ANKFN1: variants seen among roughly 807,000 people sequenced by gnomAD.
ANKFN1 encodes ankyrin repeat and fibronectin type III domain containing 1.
ANKFN1 carries 74 observed loss-of-function variants against 108.7 expected under a neutral mutation model. The observed-to-expected ratio is 0.68, with a 90% confidence interval of 0.56 to 0.83. The LOEUF is 0.83. Among genes scored for constraint, ANKFN1 ranks in the 40% least tolerant of loss-of-function variants. The probability of loss-of-function intolerance (pLI) is 0.00; values close to 1 mark genes in which losing one functional copy is unlikely to be tolerated. For synonymous variants in ANKFN1, 547 were observed against 516.2 expected (o/e 1.06, Z -0.81); for missense variants, 1,505 against 1,382.3 (o/e 1.09, Z -1.41).
At chr17:56,106,833 T>C (rs1304917059) in intron 4 of ANKFN1, among the ~76,000 whole-genome samples, 4 of 152,192 alleles carry the variant, frequency 2.6e-5, no homozygotes, top group Admixed American at 2.6e-4. Flanking sequence ...GTGAAATGGT[T>C]ATGTTTCTGT....
intron 4 of ANKFN1, among the ~76,000 whole-genome samples, chr17:56,050,684 T>C (rs1904759508): frequency 6.6e-6 from 1 of 151,770 alleles, no homozygotes; most frequent in Non-Finnish European, 1.5e-5. Flanking sequence ...CTCAGGTTTG[T>C]CAAAGATCAG....
At chr17:56,270,037 C>T (rs1310295114) in intron 3 of ANKFN1, among the ~76,000 whole-genome samples, 1 of 152,172 alleles carries the variant, frequency 6.6e-6, no homozygotes, top group Non-Finnish European at 1.5e-5. Flanking sequence ...TTTTCCTTTC[C>T]TTTTAATAAG....
At chr17:56,328,021 A>G (rs1003778952) in intron 4 of ANKFN1, among the ~76,000 whole-genome samples, 2 of 152,190 alleles carry the variant, frequency 1.3e-5, no homozygotes, top group Admixed American at 6.5e-5. Flanking sequence ...GAAGAGGAGA[A>G]TGGAGCTGAG....
chr17:56,163,220 C>G (rs888694993), intron 1 of ANKFN1, among the ~76,000 whole-genome samples: 1 of 151,958 alleles, frequency 6.6e-6, no homozygotes, highest in Non-Finnish European at 1.5e-5. Context: ...TTGGTAAAAC[C>G]CTTTCTAACC....
chr17:56,138,092 T>C (rs1186797940), intron 4 of ANKFN1, among the ~76,000 whole-genome samples: 2 of 152,154 alleles, frequency 1.3e-5, no homozygotes, highest in Admixed American at 1.3e-4. Context: ...ATTCAGAGAA[T>C]AGCTAGAAGC....
At chr17:56,178,844 T>C (rs1911415080) in intron 1 of ANKFN1, among the ~76,000 whole-genome samples, 1 of 152,198 alleles carries the variant, frequency 6.6e-6, no homozygotes, top group South Asian at 2.1e-4. Context: ...GCCAAACCTA[T>C]TTGAACATGT....
At chr17:56,255,614 G>C (rs1307360709) in intron 3 of ANKFN1, among the ~76,000 whole-genome samples, 1 of 152,122 alleles carries the variant, frequency 6.6e-6, no homozygotes. Flanking sequence ...GTTACCCTAT[G>C]AAAATGTGGC....
chr17:56,130,922 C>T (rs754155644), intron 4 of ANKFN1, among the ~76,000 whole-genome samples: 1 of 147,348 alleles, frequency 6.8e-6, no homozygotes, highest in Non-Finnish European at 1.5e-5. Context: ...GTTTGTCAGG[C>T]TTCTAACTTG....
At chr17:56,186,767 T>A (rs1230634421) in intron 1 of ANKFN1, among the ~76,000 whole-genome samples, 2 of 152,178 alleles carry the variant, frequency 1.3e-5, no homozygotes, top group Admixed American at 1.3e-4. Context: ...GTGTATGGCA[T>A]CCTGTTACCT....
intron 8 of ANKFN1, among the ~76,000 whole-genome samples, chr17:56,403,241 T>A (rs1162147628): frequency 6.6e-6 from 1 of 152,160 alleles, no homozygotes; most frequent in Non-Finnish European, 1.5e-5. Flanking sequence ...TTTAAATTCA[T>A]TGTTTCTTTA....
intron 4 of ANKFN1, among the ~76,000 whole-genome samples, chr17:56,069,797 G>T (rs563176825): frequency 6.6e-6 from 1 of 152,280 alleles, no homozygotes; most frequent in East Asian, 1.9e-4. Context: ...TATTAGGAAA[G>T]TAAAGGAACA....
At chr17:56,238,089 A>G (rs1917290253) in intron 3 of ANKFN1, among the ~76,000 whole-genome samples, 1 of 152,086 alleles carries the variant, frequency 6.6e-6, no homozygotes. Context: ...CATGACTTTG[A>G]GCAATTTTTG....
Position 56,368,276 on chromosome 17 carries a change from C to CTTT in ANKFN1, c.602-4351_602-4349dup, listed in dbSNP as rs71137202. The CTTT allele has an allele frequency of 2.0e-3, 131 of 65,964 alleles. 22 individuals are homozygous for CTTT. The highest frequency in any genetic ancestry group is 2.5e-3 in the African/African-American group (56 of 22,506). The allele number at this position is 65,964 out of a possible 1,614,324, so 4.1% of individuals were successfully genotyped here. ...CAAACTTGAATAAACTGAAAATGAA[C>CTTT]TTTTTTTTTTTTTTTTTTTTTGAGA... is the stretch of plus-strand genomic sequence containing the variant. On this transcript the variant is annotated intron_variant, in intron 6 of 20. Transcript: ENST00000682825.
intron 3 of ANKFN1, among the ~76,000 whole-genome samples, chr17:56,275,572 A>T (rs1358172225): frequency 6.6e-6 from 1 of 152,042 alleles, no homozygotes. Flanking sequence ...GAAGAAAAAG[A>T]TTAAGGAGGT....
At chr17:56,417,564 G>A (rs777116970) in intron 8 of ANKFN1, among the ~76,000 whole-genome samples, 6 of 152,154 alleles carry the variant, frequency 3.9e-5, no homozygotes, top group African/African-American at 9.7e-5. Flanking sequence ...ATTTTCTCCC[G>A]AGTTTAAGGC....
intron 3 of ANKFN1, among the ~76,000 whole-genome samples, chr17:56,290,873 C>T (rs1380661705): frequency 2.0e-5 from 3 of 152,060 alleles, no homozygotes; most frequent in Admixed American, 2.0e-4. Flanking sequence ...TCCTCCCCTC[C>T]TCTGAAAATT....
intron 3 of ANKFN1, among the ~76,000 whole-genome samples, chr17:56,245,361 C>T (rs771904386): frequency 6.6e-6 from 1 of 152,030 alleles, no homozygotes; most frequent in Non-Finnish European, 1.5e-5. Context: ...CATCATGGCA[C>T]CTCAACAGAA....
At chr17:56,377,140 T>C (rs2046968175) in intron 8 of ANKFN1, among the ~76,000 whole-genome samples, 2 of 152,224 alleles carry the variant, frequency 1.3e-5, no homozygotes. Context: ...TTCTCCAGAA[T>C]TTCTGGGTTC....
chr17:56,257,613 A>T (rs1023030621), intron 3 of ANKFN1, among the ~76,000 whole-genome samples: 14 of 152,138 alleles, frequency 9.2e-5, no homozygotes, highest in African/African-American at 1.2e-4. Context: ...CCGACCCTCC[A>T]GGCTACGGGG....
Sources: allele counts gnomAD v4.1 joint callset (sites outside exome capture counted in the v4.1 genomes callset), GRCh38; gene constraint gnomAD v4.1.1; transcripts MANE v1.5; gene names NCBI Gene and HGNC (gene_info 2026-07-23, HGNC 2026-07-21).